Variants in MYT1 observed in about 807,000 individuals in gnomAD.
MYT1 encodes the protein myelin transcription factor 1.
Under a neutral mutation model 123.0 loss-of-function variants are expected in MYT1, and 23 were observed. The ratio of observed to expected loss-of-function variants is 0.19; its 90% CI spans 0.13 to 0.26. The LOEUF (loss-of-function observed/expected upper bound fraction) is 0.26, where lower values mean the gene tolerates loss of function less well. Ranked by LOEUF, MYT1 falls within the 10% of genes least tolerant of loss-of-function variation. The pLI is 1.00. For synonymous variants in MYT1, 518 were observed against 575.3 expected, an observed-to-expected ratio of 0.90 and a Z score of 1.43; for missense variants, 1,125 against 1,472.5, an observed-to-expected ratio of 0.76 and a Z score of 3.86.
rs376850492 is a variant in MYT1 at position 64,166,074 on chromosome 20, C to A, written c.-99+1335C>A. 1.1e-4 allele frequency among the ~76,000 whole-genome samples: 16 copies of A among 152,288 alleles called. No individual in the cohort carries two copies. The highest frequency in any genetic ancestry group is 9.7e-4 in the East Asian group (5 of 5,168). The stretch of plus-strand genomic sequence containing the variant: ...AGGGAGGCTCCCCTCGGCCCCCAGC[C>A]TCCCTGCCACCCCGGGCTCCCCTCC... On this transcript the variant is annotated intron_variant, in intron 1 of 22. Coordinates refer to ENST00000328439, the MANE Select transcript of MYT1 (RefSeq NM_004535.3). The surrounding 1 kb of genome is among the most constrained non-coding windows in gnomAD (Gnocchi z 4.9).
rs1463339432 is a variant in MYT1 at position 64,196,098 on chromosome 20, G to A, written c.1-2764G>A. Among the ~76,000 whole-genome samples, 1 of 152,232 alleles carries A rather than the reference G, an allele frequency of 6.6e-6. No homozygotes were observed. The highest frequency in any genetic ancestry group is 2.4e-5 in the African/African-American group (1 of 41,452). The stretch of plus-strand genomic sequence containing the variant: ...CTGCCTTTTCACTCTCAAGGGGAGA[G>A]GTCACCGGGCTATCTGTGGGTTGCG... On this transcript the variant is annotated intron_variant, in intron 2 of 22. Transcript: ENST00000328439. This position sits in a 1 kb window ranked among gnomAD's most constrained non-coding sequence, Gnocchi z 4.3.
intron 2 of MYT1, among the ~76,000 whole-genome samples, chr20:64,198,251 C>T (rs1983186981): frequency 7.2e-6 from 1 of 139,068 alleles, no homozygotes; most frequent in Non-Finnish European, 1.5e-5. Context: ...CGCGCCACTG[C>T]ACTCCAGCCT....
intron 11 of MYT1, among the ~76,000 whole-genome samples, chr20:64,217,956 T>C (rs943089829): frequency 6.6e-6 from 1 of 152,250 alleles, no homozygotes; most frequent in African/African-American, 2.4e-5. Context: ...TGGAAGTGCA[T>C]GCGAAATGGA....
chr20:64,239,534 T>G (rs1014635584), intron 21 of MYT1, among the ~76,000 whole-genome samples: 1 of 152,112 alleles, frequency 6.6e-6, no homozygotes, highest in Non-Finnish European at 1.5e-5. Flanking sequence ...GCCCCCTTCC[T>G]GGCTTCCCTG....
intron 1 of MYT1, among the ~76,000 whole-genome samples, chr20:64,165,071 C>G (rs2145683928): frequency 6.6e-6 from 1 of 152,166 alleles, no homozygotes; most frequent in South Asian, 2.1e-4. Context: ...ATGCGCATTT[C>G]TGGAAGAGGA....
chr20:64,235,573 G>C (rs1984493502), intron 19 of MYT1, among the ~76,000 whole-genome samples: 1 of 146,326 alleles, frequency 6.8e-6, no homozygotes, highest in African/African-American at 2.6e-5. Flanking sequence ...GATGGTCATG[G>C]TGTGTGACCC....
rs568295623 is a variant in MYT1 at position 64,164,946 on chromosome 20, G to GT, written c.-99+212dup. Among the ~76,000 whole-genome samples the GT allele has an allele frequency of 3.9e-5, 6 of 152,184 alleles. No individual in the cohort carries two copies. In the East Asian group the frequency reaches 1.2e-3, roughly 29 times the overall value. On this transcript the variant is annotated intron_variant, in intron 1 of 22. Coordinates refer to ENST00000328439, the MANE Select transcript of MYT1 (RefSeq NM_004535.3). Reference sequence around the variant, plus strand: ...TCTCCTCCCTGGCCTGCCGTGTGCTGTTTTTCTCCTGTCTCTCTGTTGTTC... The same window carrying GT: ...TCTCCTCCCTGGCCTGCCGTGTGCTGTTTTTTCTCCTGTCTCTCTGTTGTTC...
In MYT1 at chr20:64,193,168, C is replaced by G. The variant is rs1983012701; in HGVS notation, c.-1+3008C>G. ...GACATCACCCAATGTGAGGACAGAACTATCTCTGCAAGGAACCAAGGGTAC... is the reference window on the plus strand; with the variant it reads ...GACATCACCCAATGTGAGGACAGAAGTATCTCTGCAAGGAACCAAGGGTAC... On this transcript the variant is annotated intron_variant, in intron 2 of 22. Coordinates refer to ENST00000328439, the MANE Select transcript of MYT1 (RefSeq NM_004535.3). The surrounding 1 kb of genome is among the most constrained non-coding windows in gnomAD (Gnocchi z 4.0). 1.3e-5 allele frequency among the ~76,000 whole-genome samples: 2 copies of G among 152,226 alleles called. No individual in the cohort carries two copies. The highest frequency in any genetic ancestry group is 1.3e-4 in the Admixed American group (2 of 15,284).
intron 7 of MYT1, among the ~76,000 whole-genome samples, chr20:64,209,250 G>A (rs1381205338): frequency 1.3e-5 from 2 of 152,158 alleles, no homozygotes; most frequent in Non-Finnish European, 2.9e-5. Flanking sequence ...CTGGACAACA[G>A]GCTGGCTCTG....
At chr20:64,206,752 G>A (rs945853657) in intron 6 of MYT1, among the ~76,000 whole-genome samples, 9 of 152,202 alleles carry the variant, frequency 5.9e-5, no homozygotes, top group East Asian at 1.9e-4. Flanking sequence ...CAAGAAGGGC[G>A]TCTGGGGTTC....
chr20:64,181,356 G>A (rs1339350766), intron 1 of MYT1, among the ~76,000 whole-genome samples: 4 of 151,832 alleles, frequency 2.6e-5, no homozygotes, highest in East Asian at 1.9e-4. Context: ...CTCCCAAATC[G>A]GGTGTCAGTC....
At chr20:64,240,064 G>C (rs1344218898) in intron 22 of MYT1, among the ~76,000 whole-genome samples, 161 bp downstream of exon 22, 1 of 152,238 alleles carries the variant, frequency 6.6e-6, no homozygotes. Flanking sequence ...CCGGGCTGTT[G>C]GCTGTGGTGG....
intron 1 of MYT1, among the ~76,000 whole-genome samples, chr20:64,171,262 C>T (rs1441971344): frequency 6.6e-6 from 1 of 152,172 alleles, no homozygotes; most frequent in Non-Finnish European, 1.5e-5. Context: ...TGCAAGCTTG[C>T]TGCCTTCCCT....
intron 1 of MYT1, among the ~76,000 whole-genome samples, chr20:64,183,611 G>A (rs1336130676): frequency 6.6e-6 from 1 of 152,138 alleles, no homozygotes; most frequent in African/African-American, 2.4e-5. Flanking sequence ...ACTAGCTGTT[G>A]GGCATCTCTT....
chr20:64,166,387 A>C lies in MYT1; in HGVS notation c.-99+1648A>C, dbSNP rs1601694650. 6.6e-6 allele frequency among the ~76,000 whole-genome samples: 1 copy of C among 152,122 alleles called. No individual in the cohort carries two copies. The highest frequency in any genetic ancestry group is 2.4e-5 in the African/African-American group (1 of 41,436). ...ACAGGGTCCCCCCGACCCCCTGGGCACCTGGACGTTTGCCGAACTTCCCAG... is the reference window on the plus strand; with the variant it reads ...ACAGGGTCCCCCCGACCCCCTGGGCCCCTGGACGTTTGCCGAACTTCCCAG... On this transcript the variant is annotated intron_variant, in intron 1 of 22. Coordinates refer to ENST00000328439, the MANE Select transcript of MYT1 (RefSeq NM_004535.3). This position sits in a 1 kb window ranked among gnomAD's most constrained non-coding sequence, Gnocchi z 4.9.
In MYT1 at chr20:64,179,973, A is replaced by T. The variant is rs892251461; in HGVS notation, c.-98-10090A>T. Among the ~76,000 whole-genome samples the T allele has an allele frequency of 7.9e-5, 12 of 151,176 alleles. No homozygotes were observed. In the East Asian group the frequency reaches 2.3e-3, roughly 29 times the overall value. ...CACATTTGCACACAGTTACACACTC[A>T]CATGCTACACACAGTTACACACATA... On this transcript the variant is annotated intron_variant, in intron 1 of 22. Transcript: ENST00000328439.
At chr20:64,172,862 T>G (rs531954115) in intron 1 of MYT1, among the ~76,000 whole-genome samples, 136 of 148,636 alleles carry the variant, frequency 9.1e-4, no homozygotes, top group African/African-American at 3.2e-3. Context: ...TTCTCCTGCC[T>G]CGGCCTCCTG....
At chr20:64,236,116 C>A (rs373613599) in intron 19 of MYT1, among the ~76,000 whole-genome samples, 45 of 98,684 alleles carry the variant, frequency 4.6e-4, no homozygotes, top group East Asian at 1.7e-3. Flanking sequence ...TGACCCTGGG[C>A]TGGCTGTGGT....
At chr20:64,170,614 T>C (rs1982223424) in intron 1 of MYT1, among the ~76,000 whole-genome samples, 1 of 151,988 alleles carries the variant, frequency 6.6e-6, no homozygotes, top group African/African-American at 2.4e-5. Context: ...AGATAAAATG[T>C]TAGACTATTA....
Sources: allele counts gnomAD v4.1 joint callset (sites outside exome capture counted in the v4.1 genomes callset), GRCh38; gene constraint gnomAD v4.1.1; non-coding constraint Gnocchi (gnomAD v3.1); transcripts MANE v1.5; gene names NCBI Gene and HGNC (gene_info 2026-07-23, HGNC 2026-07-21).